ZNF589: variants seen among roughly 807,000 people sequenced by gnomAD.
ZNF589 encodes the protein KRAB-zinc finger protein SZF1-1.
ZNF589 carries 17 observed loss-of-function variants against 13.6 expected under a neutral mutation model. The ratio of observed to expected loss-of-function variants is 1.25; its 90% CI spans 0.86 to 1.88. ZNF589 has a LOEUF of 1.88. Ranked by LOEUF, ZNF589 falls within the 40% of genes most tolerant of loss-of-function variation. ZNF589 has a pLI of 0.00. For synonymous variants in ZNF589, 148 were observed against 161.6 expected (o/e 0.92, Z 0.64); for missense variants, 407 against 434.0 (o/e 0.94, Z 0.55).
chr3:48,256,847 G>A (rs769420329), intron 2 of ZNF589: 10 of 1,286,712 alleles, frequency 7.8e-6, no homozygotes, highest in Non-Finnish European at 9.9e-6. Flanking sequence ...ACCACGAGCT[G>A]GAAGCTGAGA....
intron 1 of ZNF589, among the ~76,000 whole-genome samples, chr3:48,243,290 A>T (rs1038985022): frequency 2.0e-5 from 3 of 149,490 alleles, no homozygotes; most frequent in Admixed American, 6.7e-5. Flanking sequence ...TTGTGTTAAA[A>T]TTTTTTTTTT....
chr3:48,241,819 C>T (rs1461675155), intron 1 of ZNF589, among the ~76,000 whole-genome samples: 1 of 151,900 alleles, frequency 6.6e-6, no homozygotes, highest in Admixed American at 6.6e-5. Context: ...CGTGAGCCAC[C>T]GCGCCCGGAG....
At chr3:48,263,353 G>T (rs566315237) in intron 3 of ZNF589, among the ~76,000 whole-genome samples, 2 of 152,148 alleles carry the variant, frequency 1.3e-5, no homozygotes, top group East Asian at 1.9e-4. Flanking sequence ...CAGATGATCC[G>T]CCTGCCTCCG....
At chr3:48,265,119 C>T (rs1210765803) in intron 3 of ZNF589, among the ~76,000 whole-genome samples, 4 of 147,852 alleles carry the variant, frequency 2.7e-5, no homozygotes, top group African/African-American at 7.5e-5. Context: ...TTACAGGCAC[C>T]CGCCACCATG....
chr3:48,247,555 G>C, intron 1 of ZNF589, 70 bp from the exon 2 acceptor site: 1 of 1,579,378 alleles, frequency 6.3e-7, no homozygotes, highest in East Asian at 2.2e-5. Flanking sequence ...AAGGCTCAGA[G>C]GGCTCTTGGG....
At position 48,269,528 on chromosome 3, in the gene ZNF589, G is replaced by T; in HGVS notation, c.*742G>T. 3 of 338,592 alleles carry T rather than the reference G, an allele frequency of 8.9e-6. No individual in the cohort carries two copies. Among genetic ancestry groups the T allele is most frequent in the Non-Finnish European group, 1.7e-5 (3 of 172,972 alleles). The allele number at this position is 338,592 out of a possible 1,614,324, so 21.0% of individuals were successfully genotyped here. On this transcript the variant is annotated 3_prime_UTR_variant, in exon 4 of 4. Coordinates refer to ENST00000354698, the MANE Select transcript of ZNF589 (RefSeq NM_016089.3). ...GACACACACAGGAGAGAAACCTTAC[G>T]CATGCATCGAGTGTGGGCGAAACTT... is the stretch of plus-strand genomic sequence containing the variant.
chr3:48,270,120 T>A lies in ZNF589; in HGVS notation c.*1334T>A, dbSNP rs1434642764. The A allele has an allele frequency of 2.2e-6, 1 of 456,988 alleles. No individual in the cohort carries two copies. The highest frequency in any genetic ancestry group is 1.5e-5 in the South Asian group (1 of 64,568). The allele number at this position is 456,988 out of a possible 1,614,324, so 28.3% of individuals were successfully genotyped here. On this transcript the variant is annotated 3_prime_UTR_variant, in exon 4 of 4. Transcript: ENST00000354698. The stretch of plus-strand genomic sequence containing the variant: ...GTTCTTCCATTAGCTTCCATGACAC[T>A]CTCCTGCTTTATTTTTTTCTACATC...
Position 48,268,501 on chromosome 3 carries a change from C to A in ZNF589, c.810C>A (p.His270Gln), listed in dbSNP as rs1285639437. ...KSQLIIHQRT[H>Q]TGEKPYVCGE... Reference sequence around the variant, plus strand: ...AGCTCATCATACACCAGAGGACACACACAGGAGAAAAGCCTTATGTCTGCG... The same window carrying A: ...AGCTCATCATACACCAGAGGACACAAACAGGAGAAAAGCCTTATGTCTGCG... Residue 270 changes from histidine (H) to glutamine (Q), a missense_variant, in exon 4 of 4, where the codon CAC becomes CAA. Transcript: ENST00000354698. 1 of 1,613,398 alleles carries A rather than the reference C, an allele frequency of 6.2e-7. No homozygotes were observed. The highest frequency in any genetic ancestry group is 8.5e-7 in the Non-Finnish European group (1 of 1,179,828).
At chr3:48,244,125 G>C (rs2033734072) in intron 1 of ZNF589, among the ~76,000 whole-genome samples, 1 of 152,174 alleles carries the variant, frequency 6.6e-6, no homozygotes, top group Non-Finnish European at 1.5e-5. Context: ...GTTCAGCTGT[G>C]TGAGGTTACT....
rs1387672339 is a variant in ZNF589, at chr3:48,270,795, C to T, written c.*2009C>T. The T allele has an allele frequency of 6.2e-6, 1 of 160,640 alleles. No homozygotes were observed. The highest frequency in any genetic ancestry group is 2.4e-5 in the African/African-American group (1 of 41,564). 10.0% of individuals were successfully genotyped at this position (160,640 alleles called of 1,614,324 possible). Reference sequence around the variant, plus strand: ...GTCCAGAGGCTTTTGTCCACTCCCTCTCACTGGAAGTGGTTGATCTCCAGG... The same window carrying T: ...GTCCAGAGGCTTTTGTCCACTCCCTTTCACTGGAAGTGGTTGATCTCCAGG... On this transcript the variant is annotated 3_prime_UTR_variant, in exon 4 of 4. Coordinates refer to ENST00000354698, the MANE Select transcript of ZNF589 (RefSeq NM_016089.3).
At chr3:48,250,306 CTTTTTTTTTTTT>C (rs34016179) in intron 2 of ZNF589, among the ~76,000 whole-genome samples, 1 of 116,858 alleles carries the variant, frequency 8.6e-6, no homozygotes, top group Non-Finnish European at 1.8e-5. Context: ...TCTCTACTTT[CTTTTTTTTTTTT>C]TTTTTTTTTA....
chr3:48,256,531 A>C (rs2033905143), intron 2 of ZNF589: 1 of 640,122 alleles, frequency 1.6e-6, no homozygotes, highest in Non-Finnish European at 2.9e-6. Context: ...CAACTCCTTC[A>C]GGAAGCTGAG....
intron 1 of ZNF589, among the ~76,000 whole-genome samples, chr3:48,241,619 T>C (rs914162177): frequency 6.6e-6 from 1 of 151,898 alleles, no homozygotes; most frequent in Non-Finnish European, 1.5e-5. Context: ...GCAATCTCCG[T>C]CTCCCGGGTT....
chr3:48,267,417 A>G (rs1167441614), intron 3 of ZNF589, among the ~76,000 whole-genome samples: 1 of 149,012 alleles, frequency 6.7e-6, no homozygotes, highest in Non-Finnish European at 1.5e-5. Context: ...TTTTTTTTTG[A>G]GACGGAGTCT....
intron 2 of ZNF589, among the ~76,000 whole-genome samples, chr3:48,253,704 G>T (rs1165252469): frequency 6.6e-6 from 1 of 151,592 alleles, no homozygotes; most frequent in African/African-American, 2.4e-5. Flanking sequence ...GGGTTTCACC[G>T]TGTTAGCCAG....
chr3:48,260,518 C>T (rs2033959455), intron 2 of ZNF589, among the ~76,000 whole-genome samples: 1 of 152,176 alleles, frequency 6.6e-6, no homozygotes, highest in Non-Finnish European at 1.5e-5. Flanking sequence ...AAGTGATTCT[C>T]CTGCCTCAGC....
chr3:48,253,216 A>T (rs1485590094), intron 2 of ZNF589, among the ~76,000 whole-genome samples: 1 of 152,008 alleles, frequency 6.6e-6, no homozygotes, highest in African/African-American at 2.4e-5. Flanking sequence ...TATTTTTAGT[A>T]GATGGGCTTT....
Position 48,268,348 on chromosome 3 carries a change from G to T in ZNF589, c.657G>T (p.Glu219Asp). 1 of 1,614,212 alleles carries T rather than the reference G, an allele frequency of 6.2e-7. No homozygotes were observed. The highest frequency in any genetic ancestry group is 1.1e-5 in the South Asian group (1 of 91,090). ...GGTTTGGAGCAGTCACGTTTGGGGA[G>T]TGTGCACTAGCTTTTAACCAGAAGT... Reference protein sequence around the residue: ...TPGFGAVTFGECALAFNQKSN... With the variant: ...TPGFGAVTFGDCALAFNQKSN... Residue 219 changes from glutamate (E) to aspartate (D), a missense_variant, in exon 4 of 4, where the codon GAG (glutamate) becomes GAT (aspartate). By Grantham distance (45) the Glu-to-Asp change is conservative. Transcript: ENST00000354698.
rs1009592647 is a variant in ZNF589, at chr3:48,241,353, C to G, written c.43+139C>G. 5.4e-6 allele frequency: 6 copies of G among 1,110,664 alleles called. No homozygotes were observed. In the African/African-American group the frequency reaches 7.7e-5, roughly 14 times the overall value. 68.8% of individuals were successfully genotyped at this position (1,110,664 alleles called of 1,614,324 possible). The stretch of plus-strand genomic sequence containing the variant: ...CTGACTACCCCTACAGCGGCTCTTA[C>G]TCCCCTGGGGGGCCAGGTTCCTCCC... On this transcript the variant is annotated intron_variant, in intron 1 of 3. Coordinates refer to ENST00000354698, the MANE Select transcript of ZNF589 (RefSeq NM_016089.3).
Sources: allele counts gnomAD v4.1 joint callset (sites outside exome capture counted in the v4.1 genomes callset), GRCh38; gene constraint gnomAD v4.1.1; transcripts MANE v1.5; gene names NCBI Gene and HGNC (gene_info 2026-07-23, HGNC 2026-07-21).